The following RPS6KA2 variants were observed in gnomAD, a reference collection of about 807,000 sequenced individuals.
RPS6KA2 encodes the protein ribosomal protein S6 kinase alpha-2.
In RPS6KA2, 42 loss-of-function variants were observed where a neutral mutation model predicts 91.8. The observed-to-expected ratio is 0.46, with a 90% CI of 0.36 to 0.59. The LOEUF (loss-of-function observed/expected upper bound fraction) is 0.59. Among genes scored for constraint, RPS6KA2 ranks in the 20% least tolerant of loss-of-function variants. The pLI, the probability that RPS6KA2 is intolerant of heterozygous loss-of-function variation, is 0.00. For missense variants in RPS6KA2, 798 were observed against 978.5 expected (o/e 0.82, Z 2.46); for synonymous variants, 414 against 393.6 (o/e 1.05, Z -0.61).
In RPS6KA2 at chr6:166,538,682, C is replaced by T; in HGVS notation, c.202G>A (p.Gly68Arg). 1 of 1,598,654 alleles carries T rather than the reference C, an allele frequency of 6.3e-7. No homozygotes were observed. The highest frequency in any genetic ancestry group is 1.1e-5 in the South Asian group (1 of 90,696). ...QFELLKVLGQ[G>R]SYGKVFLVRK... is the part of the protein sequence containing the mutation. Reference sequence around the variant, plus strand: ...GCTGAACTTACCTTTCCATAGGATCCTTGTCCTAAAACCTTCAGCAGCTCA... The same window carrying T: ...GCTGAACTTACCTTTCCATAGGATCTTTGTCCTAAAACCTTCAGCAGCTCA... The change falls in exon 2 of 21, where the codon GGA becomes AGA. Residue 68 changes from glycine (G) to arginine (R), a missense_variant. By Grantham distance (125) the Gly-to-Arg change is moderately radical (BLOSUM62 -2). Coordinates refer to ENST00000265678, the MANE Select transcript of RPS6KA2 (RefSeq NM_021135.6).
intron 3 of RPS6KA2, 75 bp downstream of exon 3, chr6:166,531,156 GA>G (rs1486493903): frequency 8.3e-6 from 8 of 959,630 alleles, no homozygotes; most frequent in Non-Finnish European, 1.4e-5. Flanking sequence ...TAAATGGAAT[GA>G]ATATTTCCTC....
intron 1 of RPS6KA2, among the ~76,000 whole-genome samples, chr6:166,584,965 C>T (rs1480115105): frequency 6.6e-6 from 1 of 152,174 alleles, no homozygotes; most frequent in Non-Finnish European, 1.5e-5. Flanking sequence ...GTGTCATTCC[C>T]AAGATGTCTC....
chr6:166,560,772 C>T (rs1322504843), intron 1 of RPS6KA2, among the ~76,000 whole-genome samples: 1 of 152,248 alleles, frequency 6.6e-6, no homozygotes, highest in African/African-American at 2.4e-5. Context: ...TGGCTTCCTA[C>T]CCCTGAATCT....
At chr6:166,527,077 C>T (rs3799653) in intron 3 of RPS6KA2, among the ~76,000 whole-genome samples, 13 of 152,176 alleles carry the variant, frequency 8.5e-5, no homozygotes, top group Non-Finnish European at 1.3e-4. Flanking sequence ...CGAGATGGAG[C>T]GTTCTGCACT....
At chr6:166,591,054 C>T (rs138132879) in intron 1 of RPS6KA2, among the ~76,000 whole-genome samples, 56 of 152,328 alleles carry the variant, frequency 3.7e-4, no homozygotes, top group African/African-American at 1.3e-3. Context: ...GAATTCTCTT[C>T]TACATATTAA....
chr6:166,745,221 G>T (rs529582936), intron 2 of RPS6KA2, among the ~76,000 whole-genome samples: 6 of 147,820 alleles, frequency 4.1e-5, no homozygotes, highest in African/African-American at 7.6e-5. Context: ...GCGCCATCTC[G>T]GCTCACTGCA....
intron 5 of RPS6KA2, 56 bp from the exon 6 acceptor site, chr6:166,504,668 G>A: frequency 7.7e-7 from 1 of 1,304,736 alleles, no homozygotes; most frequent in Non-Finnish European, 1.1e-6. Flanking sequence ...TTTTATGGCT[G>A]GTGTGTTTTA....
At chr6:166,613,017 C>T (rs539125300) in intron 1 of RPS6KA2, among the ~76,000 whole-genome samples, 20 of 152,320 alleles carry the variant, frequency 1.3e-4, no homozygotes, top group South Asian at 4.1e-4. Flanking sequence ...CCAGAGGACA[C>T]GGAGCTATCC....
chr6:166,613,920 C>T (rs925637477), intron 1 of RPS6KA2, among the ~76,000 whole-genome samples: 2 of 152,102 alleles, frequency 1.3e-5, no homozygotes, highest in Admixed American at 6.5e-5. Flanking sequence ...ACACAGATTC[C>T]TCCCCAAGGC....
chr6:166,707,736 T>C (rs994904158), intron 2 of RPS6KA2, among the ~76,000 whole-genome samples: 8 of 151,566 alleles, frequency 5.3e-5, no homozygotes, highest in South Asian at 2.1e-4. Context: ...CTTTCTTTCT[T>C]TCTCTCTCTC....
At chr6:166,847,661 A>G (rs1333007737) in intron 2 of RPS6KA2, among the ~76,000 whole-genome samples, 1 of 152,222 alleles carries the variant, frequency 6.6e-6, no homozygotes, top group Non-Finnish European at 1.5e-5. Flanking sequence ...AAGTAGGGAA[A>G]GGACACCCTA....
Position 166,437,513 on chromosome 6 carries a change from G to A in RPS6KA2, c.1333-5023C>T, listed in dbSNP as rs1779366527. 6.6e-6 allele frequency among the ~76,000 whole-genome samples: 1 copy of A among 152,180 alleles called. No individual in the cohort carries two copies. Among genetic ancestry groups the A allele is most frequent in the African/African-American group, 2.4e-5 (1 of 41,438 alleles). On this transcript the variant is annotated intron_variant, in intron 14 of 20. Transcript: ENST00000265678. The surrounding 1 kb of genome is among the most constrained non-coding windows in gnomAD (Gnocchi z 4.3). ...GCTTTCTTTTTCTCATCTGGCAACA[G>A]CTGGTTAGAAAGGACTCCTACAACC...
chr6:166,445,399 C>T lies in RPS6KA2; in HGVS notation c.1332+3325G>A, dbSNP rs1452610210. On this transcript the variant is annotated intron_variant, in intron 14 of 20. Coordinates refer to ENST00000265678, the MANE Select transcript of RPS6KA2 (RefSeq NM_021135.6). The surrounding 1 kb of genome is among the most constrained non-coding windows in gnomAD (Gnocchi z 4.5). ...TCTACATGAGACCTGCTCTCACCCA[C>T]AAGGATGCTGAGGCTGGGCTTCTCA... 6.6e-6 allele frequency among the ~76,000 whole-genome samples: 1 copy of T among 152,224 alleles called. No individual in the cohort carries two copies. The highest frequency in any genetic ancestry group is 1.5e-5 in the Non-Finnish European group (1 of 68,044).
Position 166,508,389 on chromosome 6 carries a change from G to C in RPS6KA2, c.380-107C>G, listed in dbSNP as rs1782338503. On this transcript the variant is annotated intron_variant, in intron 4 of 20. Transcript: ENST00000265678. The surrounding 1 kb of genome is among the most constrained non-coding windows in gnomAD (Gnocchi z 4.3). ...GGTGCTGCTTACTCCGGGAGGCTGA[G>C]TCACTTGAGAAACGGCAGGACCCCG... 1.4e-6 allele frequency: 1 copy of C among 739,616 alleles called. No homozygotes were observed. The highest frequency in any genetic ancestry group is 2.3e-6 in the Non-Finnish European group (1 of 429,140). The allele number at this position is 739,616 out of a possible 1,614,324, so 45.8% of individuals were successfully genotyped here.
intron 2 of RPS6KA2, among the ~76,000 whole-genome samples, chr6:166,679,853 G>C (rs1788733396): frequency 6.6e-6 from 1 of 152,260 alleles, no homozygotes; most frequent in Middle Eastern, 3.2e-3. Context: ...CGCACTCAGC[G>C]CGGTTGGCCA....
At chr6:166,427,765 A>T (rs1251117394) in intron 16 of RPS6KA2, among the ~76,000 whole-genome samples, 2 of 152,226 alleles carry the variant, frequency 1.3e-5, no homozygotes, top group Non-Finnish European at 2.9e-5. Context: ...GGACCTCTTC[A>T]AGGAGAACTA....
At chr6:166,664,701 C>T (rs1168597928) in intron 2 of RPS6KA2, among the ~76,000 whole-genome samples, 1 of 151,946 alleles carries the variant, frequency 6.6e-6, no homozygotes, top group Non-Finnish European at 1.5e-5. Flanking sequence ...TTTTTAGTTA[C>T]AAAATTCAGT....
At chr6:166,476,741 G>T (rs1303164827) in intron 10 of RPS6KA2, among the ~76,000 whole-genome samples, 1 of 152,112 alleles carries the variant, frequency 6.6e-6, no homozygotes, top group Non-Finnish European at 1.5e-5. Context: ...GAGGACAGGT[G>T]GGAGGCAATG....
At chr6:166,588,357 G>T (rs1357976484) in intron 1 of RPS6KA2, among the ~76,000 whole-genome samples, 1 of 138,700 alleles carries the variant, frequency 7.2e-6, no homozygotes, top group Non-Finnish European at 1.5e-5. Context: ...AGTTGCTGCA[G>T]GGGTGGCTTT....
Sources: allele counts gnomAD v4.1 joint callset (sites outside exome capture counted in the v4.1 genomes callset), GRCh38; gene constraint gnomAD v4.1.1; non-coding constraint Gnocchi (gnomAD v3.1); transcripts MANE v1.5; gene names NCBI Gene and HGNC (gene_info 2026-07-23, HGNC 2026-07-21).